The following IQSEC3 variants were observed in gnomAD, a reference collection of about 807,000 sequenced individuals.
IQSEC3 encodes the protein IQ motif and Sec7 domain ArfGEF 3, also known as IQ motif and SEC7 domain-containing protein 3.
In IQSEC3, 50 loss-of-function variants were observed where a neutral mutation model predicts 105.4. The observed-to-expected ratio is 0.47, with a 90% confidence interval of 0.38 to 0.60. The LOEUF is 0.60. IQSEC3 is among the 20% of genes least tolerant of loss of function. IQSEC3 has a pLI of 0.00. For missense variants in IQSEC3, 1,415 were observed against 1,630.0 expected (o/e 0.87, Z 2.27); for synonymous variants, 708 against 746.0 (o/e 0.95, Z 0.83).
chr12:148,137 A>T (rs1278037790), intron 5 of IQSEC3: 1 of 152,134 alleles, frequency 6.6e-6, no homozygotes, highest in East Asian at 1.9e-4. Flanking sequence ...AGGCTCCATG[A>T]CTTGAAGTAA....
At chr12:122,715 T>TG (rs1865259881) in intron 2 of IQSEC3, among the ~76,000 whole-genome samples, 1 of 152,174 alleles carries the variant, frequency 6.6e-6, no homozygotes, top group African/African-American at 2.4e-5. Context: ...ACAGGGAAGC[T>TG]GGGGCATTTA....
At chr12:68,330 C>G (rs1210583721) in intron 1 of IQSEC3, among the ~76,000 whole-genome samples, 5 of 152,332 alleles carry the variant, frequency 3.3e-5, no homozygotes, top group Non-Finnish European at 7.3e-5. Flanking sequence ...AGATGCCATG[C>G]CTGTTTAAAT....
chr12:109,568 A>G (rs1373088854), intron 2 of IQSEC3, among the ~76,000 whole-genome samples: 3 of 151,822 alleles, frequency 2.0e-5, no homozygotes, highest in Admixed American at 1.3e-4. Flanking sequence ...GCAACCCACT[A>G]TTCCTCAGGC....
intron 3 of IQSEC3, among the ~76,000 whole-genome samples, chr12:128,725 A>G (rs1234865632): frequency 6.6e-6 from 1 of 152,066 alleles, no homozygotes; most frequent in Admixed American, 6.5e-5. Flanking sequence ...AGGCCAGGCC[A>G]TCCTTCCTCT....
intron 4 of IQSEC3, chr12:139,633 C>T (rs552311694): frequency 3.7e-5 from 14 of 377,814 alleles, no homozygotes; most frequent in Admixed American, 1.7e-4. Flanking sequence ...TAAGATGAAG[C>T]TAGGGTTTGA....
At chr12:94,090 T>C (rs7311835) in intron 1 of IQSEC3, among the ~76,000 whole-genome samples, 153 of 152,346 alleles carry the variant, frequency 1.0e-3, no homozygotes, top group African/African-American at 3.5e-3. Flanking sequence ...GATTAAAGCA[T>C]TCTCCTAGCT....
Position 175,279 on chromosome 12 carries a change from C to G in IQSEC3, c.*246C>G. On this transcript the variant is annotated 3_prime_UTR_variant, in exon 14 of 14. Transcript: ENST00000538872. ...CTCCCAGGGCCCTACACAGCCAGAC[C>G]CGGCGAGGCCTCCTCTTCCCCTGGC... 2.2e-6 allele frequency: 1 copy of G among 454,076 alleles called. No individual in the cohort carries two copies. The allele number at this position is 454,076 out of a possible 1,614,324, so 28.1% of individuals were successfully genotyped here.
intron 5 of IQSEC3, 94 bp from the exon 6 acceptor site, chr12:156,931 A>T: frequency 7.2e-7 from 1 of 1,388,612 alleles, no homozygotes. Flanking sequence ...GGGGCCCTGC[A>T]CCTGTCCTGG....
At chr12:119,613 A>G (rs1865154934) in intron 2 of IQSEC3, among the ~76,000 whole-genome samples, 2 of 152,118 alleles carry the variant, frequency 1.3e-5, no homozygotes, top group African/African-American at 4.8e-5. Flanking sequence ...TTACCAGGTG[A>G]TGCACTTGGG....
At chr12:124,108 C>T (rs1001395607) in intron 2 of IQSEC3, among the ~76,000 whole-genome samples, 1 of 152,030 alleles carries the variant, frequency 6.6e-6, no homozygotes, top group East Asian at 1.9e-4. Flanking sequence ...TTTACTGGGC[C>T]GGGCACAGTG....
intron 11 of IQSEC3, chr12:166,926 C>G (rs975826447): frequency 6.6e-6 from 1 of 152,146 alleles, no homozygotes; most frequent in Non-Finnish European, 1.5e-5. Context: ...GTGTCCAGGT[C>G]GCGCATGTTA....
intron 1 of IQSEC3, among the ~76,000 whole-genome samples, chr12:73,688 G>C (rs1469735566): frequency 1.3e-5 from 2 of 151,812 alleles, no homozygotes; most frequent in Non-Finnish European, 2.9e-5. Context: ...AAAAGAAAAA[G>C]AAAAAGAAAA....
intron 13 of IQSEC3, among the ~76,000 whole-genome samples, chr12:173,548 TC>T (rs1427718491): frequency 4.6e-5 from 7 of 152,212 alleles, no homozygotes; most frequent in African/African-American, 1.7e-4. Context: ...CCCTGCAGCT[TC>T]CCTTTCCCTC....
intron 13 of IQSEC3, 75 bp from the exon 14 acceptor site, chr12:174,524 C>A: frequency 7.4e-7 from 1 of 1,348,862 alleles, no homozygotes; most frequent in Non-Finnish European, 9.9e-7. Flanking sequence ...CCAGGGGAGG[C>A]ACAGGGCAGC....
chr12:98,340 A>T (rs1268476902), intron 1 of IQSEC3, among the ~76,000 whole-genome samples: 1 of 152,210 alleles, frequency 6.6e-6, no homozygotes, highest in Non-Finnish European at 1.5e-5. Context: ...GTTTATTAAA[A>T]AGTCCCGGTG....
At chr12:130,119 G>A (rs1555084537) in intron 3 of IQSEC3, among the ~76,000 whole-genome samples, 1 of 152,196 alleles carries the variant, frequency 6.6e-6, no homozygotes. Context: ...GAACAGCACT[G>A]CACAGCTGCT....
chr12:125,971 T>C (rs1865388232), intron 3 of IQSEC3, 59 bp downstream of exon 3: 1 of 1,484,342 alleles, frequency 6.7e-7, no homozygotes, highest in Non-Finnish European at 9.0e-7. Context: ...CTTTGGGGGC[T>C]GTCGAGGGTA....
In IQSEC3 at chr12:174,754, G is replaced by C; in HGVS notation, c.3270G>C (p.Leu1090=). 6.3e-7 allele frequency: 1 copy of C among 1,591,208 alleles called. No individual in the cohort carries two copies. Among genetic ancestry groups the C allele is most frequent in the Non-Finnish European group, 8.5e-7 (1 of 1,177,322 alleles). The change falls in exon 14 of 14, where the codon CTG becomes CTC. Residue 1090 remains leucine (L), a synonymous_variant. Transcript: ENST00000538872. ...PPPPPTPPGT[L]VQCQQIVKVI... ...CGCCACCCACGCCCCCGGGCACCCT[G>C]GTGCAGTGCCAGCAAATTGTCAAGG...
chr12:76,946 C>G (rs1223714832), intron 1 of IQSEC3, among the ~76,000 whole-genome samples: 8 of 152,258 alleles, frequency 5.3e-5, no homozygotes, highest in Admixed American at 4.6e-4. Flanking sequence ...CCATCCCAGG[C>G]AGAGAGACAA....
Sources: gnomAD v4.1 joint callset for allele counts (sites outside exome capture counted in the v4.1 genomes callset) on GRCh38, gnomAD v4.1.1 for gene constraint, MANE v1.5 for transcripts, NCBI Gene and HGNC (gene_info 2026-07-23, HGNC 2026-07-21) for gene names.